Variants in FBXL17 observed in about 807,000 individuals in gnomAD.
FBXL17 encodes the protein F-box/LRR-repeat protein 17.
FBXL17 carries 22 observed loss-of-function variants against 66.2 expected under a neutral mutation model. The observed-to-expected ratio is 0.33, with a 90% CI of 0.24 to 0.47. The LOEUF (loss-of-function observed/expected upper bound fraction) is 0.47. Among genes scored for constraint, FBXL17 ranks in the 20% least tolerant of loss-of-function variants. FBXL17 has a pLI of 1.00. For missense variants in FBXL17, 878 were observed against 948.2 expected, an observed-to-expected ratio of 0.93 and a Z score of 0.97; for synonymous variants, 474 against 400.5, an observed-to-expected ratio of 1.18 and a Z score of -2.19.
intron 7 of FBXL17, among the ~76,000 whole-genome samples, chr5:107,961,540 T>C (rs1197687725): frequency 6.6e-6 from 1 of 152,040 alleles, no homozygotes; most frequent in East Asian, 1.9e-4. Context: ...CAACTTCTGA[T>C]TAACCAATGT....
intron 6 of FBXL17, among the ~76,000 whole-genome samples, chr5:108,052,507 C>T (rs996339788): frequency 6.6e-6 from 1 of 152,184 alleles, no homozygotes; most frequent in African/African-American, 2.4e-5. Flanking sequence ...TGAAGGACCT[C>T]TTCAAGGAGA....
chr5:108,172,990 G>A (rs918487866), intron 6 of FBXL17, among the ~76,000 whole-genome samples: 4 of 151,708 alleles, frequency 2.6e-5, no homozygotes, highest in East Asian at 1.9e-4. Flanking sequence ...TAGTAAAGAC[G>A]GGGTTTCACC....
intron 7 of FBXL17, among the ~76,000 whole-genome samples, chr5:107,990,895 C>T (rs1183281041): frequency 1.3e-5 from 2 of 152,056 alleles, no homozygotes; most frequent in Non-Finnish European, 2.9e-5. Flanking sequence ...CTTCCGGAGG[C>T]GAATTACCAT....
Position 108,140,299 on chromosome 5 carries a change from G to A in FBXL17, c.1745+45818C>T, listed in dbSNP as rs145006581. 4.1e-3 allele frequency among the ~76,000 whole-genome samples: 624 copies of A among 152,256 alleles called. 3 individuals are homozygous for A. Among genetic ancestry groups the A allele is most frequent in the African/African-American group, 0.014 (597 of 41,556 alleles). On this transcript the variant is annotated intron_variant, in intron 6 of 8. Coordinates refer to ENST00000542267, the MANE Select transcript of FBXL17 (RefSeq NM_001163315.3). ...GGGGTCAAGTGACCCACCTGCCTCG[G>A]CCTCTCAAAATGTGGGATTACAGGT...
intron 6 of FBXL17, among the ~76,000 whole-genome samples, chr5:108,185,538 G>A (rs1292246786): frequency 6.6e-6 from 1 of 152,038 alleles, no homozygotes; most frequent in South Asian, 2.1e-4. Flanking sequence ...AAATTACCCA[G>A]TCTAAGGTAG....
Position 107,951,030 on chromosome 5 carries a change from A to T in FBXL17, c.1823-69851T>A, listed in dbSNP as rs866430933. Among the ~76,000 whole-genome samples, 11 of 152,284 alleles carry T rather than the reference A, an allele frequency of 7.2e-5. 1 individual carries two copies. The highest frequency in any genetic ancestry group is 2.6e-4 in the African/African-American group (11 of 41,558). On this transcript the variant is annotated intron_variant, in intron 7 of 8. Transcript: ENST00000542267. ...TGGCCTGCCACTAATGTCCTAATAA[A>T]TGGCAGGCACACACTAGAAAGGCTG...
intron 6 of FBXL17, among the ~76,000 whole-genome samples, chr5:108,123,492 T>C (rs1363458033): frequency 4.6e-5 from 7 of 152,234 alleles, no homozygotes; most frequent in Non-Finnish European, 8.8e-5. Flanking sequence ...ATATTTCCAT[T>C]TGAAAGCTTT....
chr5:108,060,181 TATATAG>T (rs936504118), intron 6 of FBXL17, among the ~76,000 whole-genome samples: 3 of 151,796 alleles, frequency 2.0e-5, no homozygotes, highest in Non-Finnish European at 4.4e-5. Context: ...TGTACATATA[TATATAG>T]ATATAGATAT....
chr5:108,304,018 G>A (rs1398644783), intron 4 of FBXL17, among the ~76,000 whole-genome samples: 4 of 151,898 alleles, frequency 2.6e-5, no homozygotes. Context: ...GCTTTTTACT[G>A]GGAGTGGGGT....
chr5:108,126,533 AT>A lies in FBXL17; in HGVS notation c.1745+59583del, dbSNP rs772972852. Reference sequence around the variant, plus strand: ...CTAAAAGAAGAAATTGACAGTTTATATTTTTACCATCAGGCATAGGTTATTT... The same window carrying A: ...CTAAAAGAAGAAATTGACAGTTTATATTTTACCATCAGGCATAGGTTATTT... On this transcript the variant is annotated intron_variant, in intron 6 of 8. Transcript: ENST00000542267. Among the ~76,000 whole-genome samples the A allele has an allele frequency of 2.0e-3, 302 of 151,804 alleles. 1 individual carries two copies. The highest frequency in any genetic ancestry group is 3.7e-3 in the Non-Finnish European group (250 of 67,892).
chr5:108,314,512 GC>G (rs1446480351), intron 4 of FBXL17, among the ~76,000 whole-genome samples: 2 of 151,478 alleles, frequency 1.3e-5, no homozygotes, highest in East Asian at 3.9e-4. Flanking sequence ...TGTTCCAAAT[GC>G]CTTTATTCAC....
chr5:107,905,659 C>T (rs1490098433), intron 7 of FBXL17, among the ~76,000 whole-genome samples: 1 of 152,104 alleles, frequency 6.6e-6, no homozygotes, highest in Non-Finnish European at 1.5e-5. Flanking sequence ...AATGTATGTG[C>T]TATGTGCATG....
chr5:108,263,271 G>A (rs1267683910), intron 4 of FBXL17, among the ~76,000 whole-genome samples: 1 of 151,706 alleles, frequency 6.6e-6, no homozygotes, highest in Non-Finnish European at 1.5e-5. Flanking sequence ...TAGAGGTCTT[G>A]GACAAAATTA....
At chr5:108,324,738 A>G (rs1370347652) in intron 4 of FBXL17, among the ~76,000 whole-genome samples, 2 of 113,728 alleles carry the variant, frequency 1.8e-5, no homozygotes, top group African/African-American at 3.5e-5. Flanking sequence ...ATATGTATAT[A>G]TATGTGTGTG....
chr5:108,335,956 T>C (rs1760362134), intron 4 of FBXL17, among the ~76,000 whole-genome samples: 1 of 152,264 alleles, frequency 6.6e-6, no homozygotes, highest in South Asian at 2.1e-4. Context: ...AACAATAGTT[T>C]GGCAGAACCA....
intron 4 of FBXL17, among the ~76,000 whole-genome samples, chr5:108,226,983 C>T (rs73778698): frequency 0.065 from 9,856 of 152,110 alleles, 1,071 homozygotes; most frequent in African/African-American, 0.22. Context: ...TCTAGATTGA[C>T]AAATGGAGAT....
chr5:107,894,626 G>A (rs1749312437), intron 7 of FBXL17, among the ~76,000 whole-genome samples: 5 of 151,974 alleles, frequency 3.3e-5, no homozygotes, highest in Admixed American at 3.3e-4. Context: ...GACTTAAGAA[G>A]AAAACCAGCT....
intron 4 of FBXL17, among the ~76,000 whole-genome samples, chr5:108,232,153 T>G (rs1237818561): frequency 6.6e-6 from 1 of 152,232 alleles, no homozygotes; most frequent in Admixed American, 6.5e-5. Flanking sequence ...TATACACTTG[T>G]GCTAAGAAAA....
intron 4 of FBXL17, among the ~76,000 whole-genome samples, chr5:108,243,939 G>A (rs1755977500): frequency 6.6e-6 from 1 of 152,126 alleles, no homozygotes; most frequent in South Asian, 2.1e-4. Flanking sequence ...TCTGAGCAGT[G>A]GCAGAGCTAG....
Sources: allele counts gnomAD v4.1 joint callset (sites outside exome capture counted in the v4.1 genomes callset), GRCh38; gene constraint gnomAD v4.1.1; transcripts MANE v1.5; gene names NCBI Gene and HGNC (gene_info 2026-07-23, HGNC 2026-07-21).